The following AGO3 variants were observed in gnomAD, a reference collection of about 807,000 sequenced individuals.
AGO3 encodes protein argonaute-3.
AGO3 carries 16 observed loss-of-function variants against 105.5 expected under a neutral mutation model. The ratio of observed to expected loss-of-function variants is 0.15; its 90% CI spans 0.10 to 0.23. AGO3 has a LOEUF of 0.23. Ranked by LOEUF, AGO3 falls within the 10% of genes least tolerant of loss-of-function variation. The pLI is 1.00. For synonymous variants in AGO3, 340 were observed against 367.3 expected (o/e 0.93, Z 0.85); for missense variants, 534 against 1,088.0 (o/e 0.49, Z 7.16).
rs1389469715 is a variant in AGO3, at chr1:36,058,448, T to A, written c.*2703T>A. 2 of 152,150 alleles carry A rather than the reference T, an allele frequency of 1.3e-5. No homozygotes were observed. Among genetic ancestry groups the A allele is most frequent in the Admixed American group, 1.3e-4 (2 of 15,278 alleles). The allele number at this position is 152,150 out of a possible 1,614,324, so 9.4% of individuals were successfully genotyped here. A position where few individuals can be genotyped will look rare whatever the true frequency, so the allele number is the denominator to read the frequency against. On this transcript the variant is annotated 3_prime_UTR_variant, in exon 19 of 19. Coordinates refer to ENST00000373191, the MANE Select transcript of AGO3 (RefSeq NM_024852.4). ...AAAATTGCATTTTGATTTTTTTTTT[T>A]TTTGCACTGGTTCAGAGTATAGATA...
chr1:36,009,551 C>A lies in AGO3; in HGVS notation c.1106C>A (p.Thr369Lys). ...CAGACTTCCACTATGATCAAGGCAACAGCAAGATCTGCACCAGATAGACAA... is the reference window on the plus strand; with the variant it reads ...CAGACTTCCACTATGATCAAGGCAAAAGCAAGATCTGCACCAGATAGACAA... ...DNQTSTMIKA[T>K]ARSAPDRQEE... The change falls in exon 9 of 19, where the codon ACA becomes AAA. Residue 369 changes from threonine to lysine, a missense_variant. Physicochemically the swap from Thr to Lys is moderately conservative, Grantham distance 78. Around this residue, in one of 2 missense-constraint regions of AGO3, gnomAD observed 373 missense variants for 854.0 expected, o/e 0.44. Coordinates refer to ENST00000373191, the MANE Select transcript of AGO3 (RefSeq NM_024852.4). 6.2e-7 allele frequency: 1 copy of A among 1,613,762 alleles called. No homozygotes were observed. The highest frequency in any genetic ancestry group is 8.5e-7 in the Non-Finnish European group (1 of 1,179,894).
chr1:35,969,610 C>G (rs1272997173), intron 3 of AGO3, among the ~76,000 whole-genome samples: 1 of 152,116 alleles, frequency 6.6e-6, no homozygotes, highest in Non-Finnish European at 1.5e-5. Context: ...CTCCTGTGTC[C>G]TTTTGAAATG....
chr1:35,991,635 A>G (rs1647672998), intron 5 of AGO3, among the ~76,000 whole-genome samples: 1 of 151,312 alleles, frequency 6.6e-6, no homozygotes, highest in African/African-American at 2.4e-5. Context: ...TGTGGTGGAA[A>G]TAATTTTTCT....
chr1:35,945,464 G>C (rs566825697), intron 1 of AGO3, among the ~76,000 whole-genome samples: 1 of 152,114 alleles, frequency 6.6e-6, no homozygotes, highest in South Asian at 2.1e-4. Context: ...CCTTCTCTCT[G>C]CCCTTTCCAG....
intron 17 of AGO3, among the ~76,000 whole-genome samples, chr1:36,050,620 C>T (rs989263706): frequency 4.7e-4 from 71 of 151,458 alleles, no homozygotes; most frequent in Admixed American, 3.3e-4. Context: ...GGCAAAACCC[C>T]GTCTCTACTA....
At chr1:36,018,400 A>G (rs866687662) in intron 11 of AGO3, among the ~76,000 whole-genome samples, 52 of 151,784 alleles carry the variant, frequency 3.4e-4, no homozygotes, top group African/African-American at 1.1e-3. Context: ...TCTTCCCTCT[A>G]TCAAGGCGTA....
At chr1:36,029,984 C>T (rs557391915) in intron 12 of AGO3, among the ~76,000 whole-genome samples, 55 of 151,904 alleles carry the variant, frequency 3.6e-4, no homozygotes, top group Non-Finnish European at 7.4e-4. Context: ...TGAGCCACTG[C>T]GCCTGGCCCC....
At chr1:35,945,650 G>A (rs1282932407) in intron 1 of AGO3, 42 bp from the exon 2 acceptor site, 2 of 1,597,254 alleles carry the variant, frequency 1.3e-6, no homozygotes. Context: ...TTGGAATACA[G>A]CTTGTAACTG....
chr1:36,031,691 CT>C (rs143194432), intron 12 of AGO3, among the ~76,000 whole-genome samples: 2,326 of 152,180 alleles, frequency 0.015, 50 homozygotes, highest in African/African-American at 0.053. Flanking sequence ...CTTTAATATC[CT>C]ATTAAACCTC....
intron 5 of AGO3, among the ~76,000 whole-genome samples, chr1:35,987,514 GTTA>G (rs1472464597): frequency 2.0e-5 from 3 of 151,700 alleles, no homozygotes; most frequent in African/African-American, 7.3e-5. Context: ...AAAAGGATAT[GTTA>G]TTATTTATAT....
chr1:36,008,894 C>T lies in AGO3; in HGVS notation c.882-3C>T. ...TTGTTCATGTGTACTTTTTTTTCCT[C>T]AGCTTTCCTTTACAGTTAGAAAACG... On this transcript the variant is annotated splice_region_variant and splice_polypyrimidine_tract_variant and intron_variant, in intron 7 of 18. Coordinates refer to ENST00000373191, the MANE Select transcript of AGO3 (RefSeq NM_024852.4). This position sits in a 1 kb window ranked among gnomAD's most constrained non-coding sequence, Gnocchi z 5.1. The T allele has an allele frequency of 6.2e-7, 1 of 1,613,760 alleles. No homozygotes were observed. Among genetic ancestry groups the T allele is most frequent in the African/African-American group, 1.3e-5 (1 of 74,900 alleles).
chr1:36,027,497 G>T lies in AGO3; in HGVS notation c.1591+199G>T, dbSNP rs187612651. ...GAGACATTGTAAAAAGAGTTTCCGG[G>T]CTGGGCGTGGTGGCTCACGCCTGTA... On this transcript the variant is annotated intron_variant, in intron 12 of 18. Transcript: ENST00000373191. This position sits in a 1 kb window ranked among gnomAD's most constrained non-coding sequence, Gnocchi z 4.0. Among the ~76,000 whole-genome samples the T allele has an allele frequency of 7.0e-3, 1,063 of 152,262 alleles. 11 individuals are homozygous for T. Among genetic ancestry groups the T allele is most frequent in the African/African-American group, 0.024 (1,012 of 41,548 alleles).
chr1:35,930,806 A>C, upstream of AGO3: 1 of 164,502 alleles, frequency 6.1e-6, no homozygotes, highest in Non-Finnish European at 1.3e-5. Flanking sequence ...CAGGTAGGCT[A>C]CTCCTCAGGT....
intron 14 of AGO3, 57 bp downstream of exon 14, chr1:36,036,324 A>G: frequency 3.4e-6 from 5 of 1,485,776 alleles, no homozygotes; most frequent in Non-Finnish European, 4.6e-6. Context: ...TCAATTTTGC[A>G]GTTTCAACTT....
intron 14 of AGO3, 53 bp from the exon 15 acceptor site, chr1:36,039,737 A>T: frequency 8.9e-7 from 1 of 1,120,620 alleles, no homozygotes; most frequent in Non-Finnish European, 1.2e-6. Flanking sequence ...TGTAATTTTG[A>T]TTATCATTTA....
chr1:35,937,296 G>T (rs936109644), intron 1 of AGO3, among the ~76,000 whole-genome samples: 2 of 151,572 alleles, frequency 1.3e-5, no homozygotes, highest in Non-Finnish European at 2.9e-5. Flanking sequence ...CCCGCTACTC[G>T]GGAGGCTGAG....
chr1:36,050,784 T>A (rs1165298713), intron 17 of AGO3, among the ~76,000 whole-genome samples: 3 of 142,454 alleles, frequency 2.1e-5, no homozygotes, highest in African/African-American at 8.2e-5. Context: ...TGAGTGGGAC[T>A]CTATCTCAAA....
intron 5 of AGO3, among the ~76,000 whole-genome samples, chr1:35,994,561 G>A (rs891917607): frequency 1.4e-5 from 2 of 148,060 alleles, no homozygotes; most frequent in Non-Finnish European, 2.9e-5. Flanking sequence ...GGAAATAAAA[G>A]GCATAATTTG....
chr1:36,039,711 A>G, intron 14 of AGO3, 79 bp from the exon 15 acceptor site: 1 of 1,025,636 alleles, frequency 9.8e-7, no homozygotes, highest in Middle Eastern at 3.6e-4. Flanking sequence ...TAAAATAAAA[A>G]TGTAAATGAA....
Sources: allele counts gnomAD v4.1 joint callset (sites outside exome capture counted in the v4.1 genomes callset), GRCh38; gene constraint gnomAD v4.1.1; regional missense constraint gnomAD v4.1.1; non-coding constraint Gnocchi (gnomAD v3.1); transcripts MANE v1.5; gene names NCBI Gene and HGNC (gene_info 2026-07-23, HGNC 2026-07-21).